The following PIK3R3 variants were observed in gnomAD, a reference collection of about 807,000 sequenced individuals.
The protein encoded by PIK3R3 is phosphoinositide-3-kinase regulatory subunit 3, also known as phosphatidylinositol 3-kinase regulatory subunit gamma.
Under a neutral mutation model 62.9 loss-of-function variants are expected in PIK3R3, and 64 were observed. The observed-to-expected ratio is 1.02, with a 90% CI of 0.83 to 1.25. The LOEUF is 1.25. PIK3R3 is among the 50% of genes most tolerant of loss of function. The pLI is 0.00. For missense variants in PIK3R3, 614 were observed against 561.6 expected (o/e 1.09, Z -0.94); for synonymous variants, 165 against 189.0 (o/e 0.87, Z 1.04).
At chr1:46,147,754 C>T in the PIK3R3 span, among the ~76,000 whole-genome samples, 3 of 152,216 alleles carry the variant, frequency 2.0e-5, no homozygotes, top group South Asian at 2.1e-4. Context: ...TAGTGTTGCA[C>T]CTCACTATCA....
chr1:46,048,118 A>G (rs752883726), intron 7 of PIK3R3: 11 of 152,204 alleles, frequency 7.2e-5, no homozygotes, highest in South Asian at 2.1e-4. Flanking sequence ...TGTCTCCCCA[A>G]TAAAATGTAA....
chr1:46,102,596 T>C (rs112501539), intron 1 of PIK3R3, among the ~76,000 whole-genome samples: 1 of 151,974 alleles, frequency 6.6e-6, no homozygotes, highest in African/African-American at 2.4e-5. Flanking sequence ...TATAAATCTA[T>C]ATGGGCCGGA....
intron 2 of PIK3R3, among the ~76,000 whole-genome samples, chr1:46,078,758 TA>T (rs1321430492): frequency 2.0e-5 from 3 of 152,060 alleles, no homozygotes; most frequent in Admixed American, 6.6e-5. Flanking sequence ...ATGAATGGAT[TA>T]AAAAAATATA....
the PIK3R3 span, among the ~76,000 whole-genome samples, chr1:46,143,646 GA>G: frequency 1.1e-4 from 17 of 151,116 alleles, no homozygotes; most frequent in South Asian, 6.3e-4. Context: ...AGCTAACTAA[GA>G]AAAAAAATTT....
At chr1:46,174,628 C>CA in the PIK3R3 span, among the ~76,000 whole-genome samples, 4 of 152,126 alleles carry the variant, frequency 2.6e-5, no homozygotes, top group Non-Finnish European at 5.9e-5. Context: ...ATATTCGAGA[C>CA]AGAGTCCTAC....
chr1:46,048,725 G>GA (rs140041494), intron 7 of PIK3R3, among the ~76,000 whole-genome samples: 51 of 144,772 alleles, frequency 3.5e-4, no homozygotes, highest in East Asian at 4.0e-4. Context: ...TTTCCTAATT[G>GA]AAAAAAAAAA....
chr1:46,122,426 G>A (rs1217595616), intron 1 of PIK3R3, among the ~76,000 whole-genome samples: 2 of 152,148 alleles, frequency 1.3e-5, no homozygotes, highest in Non-Finnish European at 2.9e-5. Context: ...CTGGAGTGCA[G>A]TGGCGCGATC....
the PIK3R3 span, among the ~76,000 whole-genome samples, chr1:46,141,665 T>C: frequency 6.6e-6 from 1 of 152,212 alleles, no homozygotes; most frequent in Non-Finnish European, 1.5e-5. Context: ...ACATTAAATA[T>C]AGTGCTCAAA....
At chr1:46,057,849 T>A (rs1340811253) in intron 6 of PIK3R3, among the ~76,000 whole-genome samples, 1 of 147,620 alleles carries the variant, frequency 6.8e-6, no homozygotes, top group Non-Finnish European at 1.5e-5. Flanking sequence ...CAATAGAAAA[T>A]AAAATTCCAT....
At chr1:46,145,123 CAAAA>C in the PIK3R3 span, among the ~76,000 whole-genome samples, 2 of 78,568 alleles carry the variant, frequency 2.5e-5, no homozygotes, top group Non-Finnish European at 5.6e-5. Context: ...AACTCCACCT[CAAAA>C]AAAAAAAAAA....
In PIK3R3 at chr1:46,129,401, TTTTATTTATTTA is replaced by T. The variant is rs201511245; in HGVS notation, c.106+2434_106+2445del. Among the ~76,000 whole-genome samples the T allele has an allele frequency of 6.0e-4, 79 of 131,670 alleles. 1 individual carries two copies. The East Asian group carries it at 0.014, about 23-fold the overall frequency. The allele number at this position is 131,670 out of a possible 152,430, so 86.4% of individuals were successfully genotyped here. A position where few individuals can be genotyped will look rare whatever the true frequency, so the allele number is the denominator to read the frequency against. ...TATGAGAGGGTAAGCAATTGGGGGA[TTTTATTTATTTA>T]TTTATTTATTTATTTATTTATTTAT... On this transcript the variant is annotated intron_variant, in intron 1 of 9. Coordinates refer to ENST00000262741, the MANE Select transcript of PIK3R3 (RefSeq NM_003629.4).
the PIK3R3 span, among the ~76,000 whole-genome samples, chr1:46,171,145 G>A: frequency 6.6e-6 from 1 of 152,152 alleles, no homozygotes; most frequent in African/African-American, 2.4e-5. Context: ...TGGGCATGCC[G>A]GTGCAGAGGA....
Position 46,131,828 on chromosome 1 carries a change from T to A in PIK3R3, c.106+19A>T. On this transcript the variant is annotated intron_variant, in intron 1 of 9. Coordinates refer to ENST00000262741, the MANE Select transcript of PIK3R3 (RefSeq NM_003629.4). ...AATCAGACCCATCACGAGATTCTTT[T>A]TTTTTTTCTCCCAAGTACCTGGAGG... 2 of 1,609,324 alleles carry A rather than the reference T, an allele frequency of 1.2e-6. No individual in the cohort carries two copies. The highest frequency in any genetic ancestry group is 1.7e-6 in the Non-Finnish European group (2 of 1,176,238).
chr1:46,110,950 T>C (rs1359536871), intron 1 of PIK3R3, among the ~76,000 whole-genome samples: 6 of 151,970 alleles, frequency 3.9e-5, no homozygotes, highest in South Asian at 2.1e-4. Context: ...ACTTGCTACA[T>C]TGCTTCTCTT....
rs1283763527 is a variant in PIK3R3, at chr1:46,066,983, G to A, written c.423C>T (p.His141=). The change falls in exon 4 of 10, where the codon CAC becomes CAT. Residue 141 remains histidine (H), a synonymous_variant. Coordinates refer to ENST00000262741, the MANE Select transcript of PIK3R3 (RefSeq NM_003629.4). ...GATTGTACTGAGCAAGAGATTCATG[G>A]TGATAGTGGTTAATGAGCTCCACCA... ...NSVVELINHY[H]HESLAQYNPK... The A allele has an allele frequency of 2.5e-6, 4 of 1,611,492 alleles. No homozygotes were observed. The highest frequency in any genetic ancestry group is 3.4e-6 in the Non-Finnish European group (4 of 1,178,842).
Position 46,132,324 on chromosome 1 carries a change from C to A in PIK3R3, c.-372G>T, listed in dbSNP as rs889279888. The A allele has an allele frequency of 2.3e-5, 26 of 1,116,210 alleles. No individual in the cohort carries two copies. In the South Asian group the frequency reaches 5.6e-4, roughly 24 times the overall value. The allele number at this position is 1,116,210 out of a possible 1,614,324, so 69.1% of individuals were successfully genotyped here. A position where few individuals can be genotyped will look rare whatever the true frequency, so the allele number is the denominator to read the frequency against. ...TTTCCGCGGAAGCCACTTTTGTGTC[C>A]TTCGAAGGAGGGAGAATGAAGAGGA... On this transcript the variant is annotated 5_prime_UTR_variant, in exon 1 of 10. The change creates a new upstream start codon in the 5' untranslated region. Transcript: ENST00000262741.
chr1:46,066,428 G>C (rs1648994877), intron 4 of PIK3R3, among the ~76,000 whole-genome samples: 1 of 152,144 alleles, frequency 6.6e-6, no homozygotes. Context: ...AATGAAGTGG[G>C]AGACATAAAC....
chr1:46,067,235 T>G (rs748750493), intron 3 of PIK3R3, 144 bp from the exon 4 acceptor site: 2 of 366,718 alleles, frequency 5.5e-6, no homozygotes, highest in African/African-American at 2.4e-5. Context: ...TGAAAAGGCA[T>G]GTTATTCTGT....
the PIK3R3 span, among the ~76,000 whole-genome samples, chr1:46,166,284 C>A: frequency 6.6e-5 from 10 of 151,736 alleles, no homozygotes; most frequent in African/African-American, 2.4e-4. Flanking sequence ...AGTGCAGTGA[C>A]ATGATCTTGG....
Sources: allele counts gnomAD v4.1 joint callset (sites outside exome capture counted in the v4.1 genomes callset), GRCh38; gene constraint gnomAD v4.1.1; transcripts MANE v1.5; gene names NCBI Gene and HGNC (gene_info 2026-07-23, HGNC 2026-07-21).